TAF3: variants seen among roughly 807,000 people sequenced by gnomAD.
TAF3 encodes transcription initiation factor TFIID subunit 3.
TAF3 carries 7 observed loss-of-function variants against 80.6 expected under a neutral mutation model. The ratio of observed to expected loss-of-function variants is 0.09; its 90% confidence interval spans 0.05 to 0.16. The LOEUF (loss-of-function observed/expected upper bound fraction) is 0.16. Among genes scored for constraint, TAF3 ranks in the 10% least tolerant of loss-of-function variants. TAF3 has a pLI of 1.00. For synonymous variants in TAF3, 444 were observed against 446.1 expected (o/e 1.00, Z 0.06); for missense variants, 921 against 1,140.2 (o/e 0.81, Z 2.77).
At chr10:7,845,809 G>A (rs1400879577) in intron 2 of TAF3, among the ~76,000 whole-genome samples, 4 of 152,050 alleles carry the variant, frequency 2.6e-5, no homozygotes, top group South Asian at 2.1e-4. Context: ...TATGTGAATA[G>A]CATTGCTTTC....
intron 2 of TAF3, among the ~76,000 whole-genome samples, chr10:7,881,636 C>T (rs189562095): frequency 1.2e-4 from 18 of 152,152 alleles, no homozygotes; most frequent in African/African-American, 4.3e-4. Context: ...TAGGGGGCCC[C>T]TTGAAATTTG....
chr10:7,863,696 T>TATATATACACATATATATACAC, intron 2 of TAF3, among the ~76,000 whole-genome samples: 1 of 83,534 alleles, frequency 1.2e-5, no homozygotes, highest in African/African-American at 4.2e-5. Context: ...CACACACATA[T>TATATATACACATATATATACAC]ATATATATAC....
chr10:7,942,981 A>G lies in TAF3; in HGVS notation c.410-20939A>G, dbSNP rs1272375327. ...CCTTCGTCACAGCCCTGACTGTCCCATTCAACCACAGTCATCTCTCCTGAG... is the reference window on the plus strand; with the variant it reads ...CCTTCGTCACAGCCCTGACTGTCCCGTTCAACCACAGTCATCTCTCCTGAG... On this transcript the variant is annotated intron_variant, in intron 2 of 6. Coordinates refer to ENST00000344293, the MANE Select transcript of TAF3 (RefSeq NM_031923.4). Among the ~76,000 whole-genome samples the G allele has an allele frequency of 3.3e-5, 5 of 152,298 alleles. No homozygotes were observed. In the East Asian group the frequency reaches 9.7e-4, roughly 29 times the overall value.
chr10:7,903,260 G>A (rs1356101890), intron 2 of TAF3, among the ~76,000 whole-genome samples: 1 of 152,158 alleles, frequency 6.6e-6, no homozygotes, highest in African/African-American at 2.4e-5. Flanking sequence ...CATGTATGCT[G>A]CTGCTCAAAT....
At chr10:7,830,557 C>T (rs1261522262) in intron 2 of TAF3, among the ~76,000 whole-genome samples, 1 of 133,400 alleles carries the variant, frequency 7.5e-6, no homozygotes, top group African/African-American at 2.8e-5. Flanking sequence ...AATCTCGGCT[C>T]ACTGCAAACT....
chr10:7,949,334 G>T (rs1445444737), intron 2 of TAF3, among the ~76,000 whole-genome samples: 2 of 152,212 alleles, frequency 1.3e-5, no homozygotes, highest in Non-Finnish European at 2.9e-5. Context: ...AGGCCATGTG[G>T]CAGGCAAGTC....
At chr10:7,988,752 G>GA (rs56395044) in intron 4 of TAF3, among the ~76,000 whole-genome samples, 38,134 of 92,646 alleles carry the variant, frequency 0.41, 8,181 homozygotes, top group Admixed American at 0.52. Flanking sequence ...CTGTCTCTCA[G>GA]AAAAAAAAAA....
chr10:7,986,127 G>T (rs1251764724), intron 4 of TAF3, among the ~76,000 whole-genome samples: 1 of 151,892 alleles, frequency 6.6e-6, no homozygotes, highest in Non-Finnish European at 1.5e-5. Context: ...TTTCTTTTAT[G>T]GACTTATTTT....
At chr10:7,916,516 CTT>C (rs1837713534) in intron 2 of TAF3, among the ~76,000 whole-genome samples, 2 of 152,256 alleles carry the variant, frequency 1.3e-5, no homozygotes, top group South Asian at 2.1e-4. Flanking sequence ...TTTTATTACA[CTT>C]TGTTTATAAT....
chr10:7,915,307 G>A (rs1366908908), intron 2 of TAF3, among the ~76,000 whole-genome samples: 1 of 151,796 alleles, frequency 6.6e-6, no homozygotes, highest in Non-Finnish European at 1.5e-5. Flanking sequence ...CTGCCGGAGG[G>A]GCGAAGTCTC....
rs371133957 is a variant in TAF3, at chr10:7,965,465, C to A, written c.1955C>A (p.Pro652His). 2 of 1,613,110 alleles carry A rather than the reference C, an allele frequency of 1.2e-6. No homozygotes were observed. Among genetic ancestry groups the A allele is most frequent in the East Asian group, 4.5e-5 (2 of 44,836 alleles). ...GAAGATAAGATGAAAGCCCCAGCAC[C>A]CCCACTGGTGTTGCCCCCAAAAGAG... ...GREDKMKAPA[P>H]PLVLPPKELA... Residue 652 changes from proline to histidine, a missense_variant, in exon 3 of 7, where the codon CCC becomes CAC. Pro to His is a moderately conservative substitution (Grantham distance 77, BLOSUM62 -2). Transcript: ENST00000344293.
At chr10:8,008,047 G>T (rs896308684) in intron 4 of TAF3, among the ~76,000 whole-genome samples, 2 of 150,908 alleles carry the variant, frequency 1.3e-5, no homozygotes, top group African/African-American at 4.9e-5. Flanking sequence ...AGAAGCTGCC[G>T]CTGCATTACC....
intron 2 of TAF3, among the ~76,000 whole-genome samples, chr10:7,962,667 A>G (rs1395881532): frequency 2.0e-5 from 3 of 152,024 alleles, no homozygotes; most frequent in South Asian, 2.1e-4. Context: ...CCAGTCTCCA[A>G]CTATCCCAAA....
chr10:7,888,504 C>G (rs1266589193), intron 2 of TAF3, among the ~76,000 whole-genome samples: 1 of 129,874 alleles, frequency 7.7e-6, no homozygotes, highest in Non-Finnish European at 1.8e-5. Context: ...GGCATGAGAT[C>G]TTCTAAAGAA....
chr10:7,980,145 T>G (rs1291193461), intron 4 of TAF3, among the ~76,000 whole-genome samples: 1 of 152,006 alleles, frequency 6.6e-6, no homozygotes, highest in Non-Finnish European at 1.5e-5. Context: ...GTGAAATTAA[T>G]GAGCAGACTG....
chr10:7,917,176 G>C (rs1837719271), intron 2 of TAF3, among the ~76,000 whole-genome samples: 1 of 152,206 alleles, frequency 6.6e-6, no homozygotes. Flanking sequence ...CAATATAAAA[G>C]TAAACATTTG....
At chr10:7,972,713 T>TA (rs1378532475) in intron 3 of TAF3, among the ~76,000 whole-genome samples, 1 of 152,250 alleles carries the variant, frequency 6.6e-6, no homozygotes, top group Non-Finnish European at 1.5e-5. Context: ...AGGGTTTTTT[T>TA]ATAGTAGATA....
intron 2 of TAF3, among the ~76,000 whole-genome samples, chr10:7,835,083 A>G (rs1057074074): frequency 3.3e-5 from 5 of 152,172 alleles, no homozygotes; most frequent in African/African-American, 4.8e-5. Flanking sequence ...TATAGAAACT[A>G]TATGTGAGTT....
At chr10:7,845,279 A>AT (rs1487993501) in intron 2 of TAF3, among the ~76,000 whole-genome samples, 1 of 149,570 alleles carries the variant, frequency 6.7e-6, no homozygotes, top group Non-Finnish European at 1.5e-5. Context: ...AACTGCTGTT[A>AT]TTTTTTTGAC....
Sources: allele counts gnomAD v4.1 joint callset (sites outside exome capture counted in the v4.1 genomes callset), GRCh38; gene constraint gnomAD v4.1.1; transcripts MANE v1.5; gene names NCBI Gene and HGNC (gene_info 2026-07-23, HGNC 2026-07-21).